Variants in SORBS2 observed in about 807,000 individuals in gnomAD.
The protein encoded by SORBS2 is sorbin and SH3 domain-containing protein 2.
Under a neutral mutation model 97.7 loss-of-function variants are expected in SORBS2, and 46 were observed. The observed-to-expected ratio is 0.47, with a 90% CI of 0.37 to 0.60. SORBS2 has a LOEUF of 0.60. Ranked by LOEUF, SORBS2 falls within the 20% of genes least tolerant of loss-of-function variation. The pLI, the probability that SORBS2 is intolerant of heterozygous loss-of-function variation, is 0.00. For synonymous variants in SORBS2, 476 were observed against 473.4 expected, an observed-to-expected ratio of 1.01 and a Z score of -0.07; for missense variants, 1,316 against 1,282.3, an observed-to-expected ratio of 1.03 and a Z score of -0.40.
chr4:185,897,032 A>G (rs900105820), intron 1 of SORBS2, among the ~76,000 whole-genome samples: 6 of 152,188 alleles, frequency 3.9e-5, no homozygotes, highest in African/African-American at 1.4e-4. Flanking sequence ...CCCAGATGAC[A>G]GCCTCAGAAG....
intron 1 of SORBS2, among the ~76,000 whole-genome samples, chr4:185,908,456 A>G (rs181654988): frequency 6.8e-5 from 10 of 147,946 alleles, no homozygotes; most frequent in African/African-American, 2.6e-4. Flanking sequence ...TATAATTGAA[A>G]CAGGCCTATT....
rs10526809 is a variant in SORBS2 at position 185,890,948 on chromosome 4, T to TTGAATGAA, written c.-338+65240_-338+65247dup. Among the ~76,000 whole-genome samples, 541 of 151,752 alleles carry TTGAATGAA rather than the reference T, an allele frequency of 3.6e-3. 2 individuals carry two copies. The highest frequency in any genetic ancestry group is 0.012 in the African/African-American group (484 of 41,402). Reference sequence around the variant, plus strand: ...CATTATACAGAGCTGATAGTAAATATTGAATGAATGAATGAACGAATGAAT... The same window carrying TTGAATGAA: ...CATTATACAGAGCTGATAGTAAATATTGAATGAATGAATGAATGAATGAACGAATGAAT... On this transcript the variant is annotated intron_variant, in intron 1 of 20. Coordinates refer to the SORBS2 transcript ENST00000284776.
intron 1 of SORBS2, among the ~76,000 whole-genome samples, chr4:185,913,331 A>G (rs1472196014): frequency 6.6e-6 from 1 of 152,198 alleles, no homozygotes; most frequent in African/African-American, 2.4e-5. Context: ...ATCCAATAAA[A>G]TATTACCATT....
At chr4:185,625,591 T>C (rs1391192196) in intron 6 of SORBS2, among the ~76,000 whole-genome samples, 1 of 152,242 alleles carries the variant, frequency 6.6e-6, no homozygotes. Flanking sequence ...CTTTTAACTT[T>C]TGGCTAGTAT....
At chr4:185,641,345 A>C (rs1232259936) in intron 4 of SORBS2, among the ~76,000 whole-genome samples, 2 of 152,214 alleles carry the variant, frequency 1.3e-5, no homozygotes, top group African/African-American at 4.8e-5. Flanking sequence ...AATGCAATGA[A>C]AGGCACATGT....
chr4:185,758,321 T>C (rs1229583236), intron 2 of SORBS2, among the ~76,000 whole-genome samples: 2 of 152,198 alleles, frequency 1.3e-5, no homozygotes, highest in East Asian at 3.8e-4. Flanking sequence ...CCATCATCTT[T>C]CTTGATTGCA....
intron 2 of SORBS2, among the ~76,000 whole-genome samples, chr4:185,707,170 T>A (rs1327226134): frequency 6.6e-6 from 1 of 152,208 alleles, no homozygotes; most frequent in Non-Finnish European, 1.5e-5. Flanking sequence ...ACCTGAGGCC[T>A]CACAACAACC....
At chr4:185,657,500 A>G (rs1352166593), upstream of SORBS2, 1 of 1,566,620 alleles carries the variant, frequency 6.4e-7, no homozygotes, top group Non-Finnish European at 8.6e-7. Flanking sequence ...GATGACTGTC[A>G]CTCTCTTCTC....
chr4:185,718,567 T>C (rs1158844757), intron 2 of SORBS2, among the ~76,000 whole-genome samples: 1 of 152,212 alleles, frequency 6.6e-6, no homozygotes, highest in Non-Finnish European at 1.5e-5. Context: ...TTCTCCATGA[T>C]AGGTGCACAG....
At chr4:185,910,686 C>T (rs1211658769) in intron 1 of SORBS2, among the ~76,000 whole-genome samples, 5 of 152,128 alleles carry the variant, frequency 3.3e-5, no homozygotes, top group South Asian at 2.1e-4. Flanking sequence ...CAACCGCCTC[C>T]CACCTCAGCC....
At chr4:185,764,891 T>G (rs10000785) in intron 2 of SORBS2, among the ~76,000 whole-genome samples, 39,662 of 152,058 alleles carry the variant, frequency 0.26, 5,444 homozygotes, top group Admixed American at 0.34. Context: ...GAGGTAACCA[T>G]TATCTGAATG....
intron 13 of SORBS2, among the ~76,000 whole-genome samples, chr4:185,592,442 C>G (rs1469649458): frequency 1.3e-5 from 2 of 152,134 alleles, no homozygotes; most frequent in Non-Finnish European, 2.9e-5. Context: ...ACCTAAACAG[C>G]CCTGGAATTT....
At chr4:185,795,347 C>T (rs2099099869) in intron 1 of SORBS2, among the ~76,000 whole-genome samples, 1 of 152,116 alleles carries the variant, frequency 6.6e-6, no homozygotes, top group African/African-American at 2.4e-5. Context: ...TCTCTCCTGC[C>T]ACTGGGACAA....
chr4:185,903,068 G>A (rs1477512886), intron 1 of SORBS2, among the ~76,000 whole-genome samples: 1 of 152,108 alleles, frequency 6.6e-6, no homozygotes, highest in African/African-American at 2.4e-5. Flanking sequence ...AGGTTCTCAG[G>A]GGGTGCCTTC....
At chr4:185,854,811 G>T (rs1192813617) in intron 1 of SORBS2, among the ~76,000 whole-genome samples, 1 of 151,920 alleles carries the variant, frequency 6.6e-6, no homozygotes, top group African/African-American at 2.4e-5. Context: ...GAGAGAGAGA[G>T]AGAGAGCCTT....
intron 1 of SORBS2, among the ~76,000 whole-genome samples, chr4:185,884,782 G>T (rs1179189730): frequency 6.6e-6 from 1 of 152,176 alleles, no homozygotes; most frequent in Non-Finnish European, 1.5e-5. Flanking sequence ...TGTATTCCCG[G>T]AATGCTCAGA....
chr4:185,648,342 C>T (rs1315187203), intron 3 of SORBS2, among the ~76,000 whole-genome samples: 1 of 151,972 alleles, frequency 6.6e-6, no homozygotes, highest in Admixed American at 6.6e-5. Flanking sequence ...TGGTGAAACA[C>T]CATACAAAAA....
intron 2 of SORBS2, among the ~76,000 whole-genome samples, chr4:185,728,325 T>C (rs895486109): frequency 1.3e-5 from 2 of 152,174 alleles, no homozygotes; most frequent in Non-Finnish European, 2.9e-5. Flanking sequence ...ACTGTAGGGT[T>C]GATTAAGGCT....
intron 1 of SORBS2, among the ~76,000 whole-genome samples, chr4:185,801,183 G>A (rs1308790214): frequency 6.6e-6 from 1 of 152,168 alleles, no homozygotes; most frequent in Non-Finnish European, 1.5e-5. Flanking sequence ...GTCCTCATAT[G>A]TATGCTGTTG....
Sources: gnomAD v4.1 joint callset for allele counts (sites outside exome capture counted in the v4.1 genomes callset) on GRCh38, gnomAD v4.1.1 for gene constraint, MANE v1.5 for transcripts, NCBI Gene and HGNC (gene_info 2026-07-23, HGNC 2026-07-21) for gene names.